Variants in TMPRSS13 observed in about 807,000 individuals in gnomAD.
TMPRSS13 encodes the protein transmembrane protease serine 13.
In TMPRSS13, 50 loss-of-function variants were observed where a neutral mutation model predicts 68.4. The observed-to-expected ratio is 0.73, with a 90% CI of 0.58 to 0.93. The LOEUF is 0.93. Ranked by LOEUF, TMPRSS13 falls within the 40% of genes least tolerant of loss-of-function variation. TMPRSS13 has a pLI of 0.00. For missense variants in TMPRSS13, 615 were observed against 729.2 expected, an observed-to-expected ratio of 0.84 and a Z score of 1.80; for synonymous variants, 267 against 285.8, an observed-to-expected ratio of 0.93 and a Z score of 0.66.
intron 7 of TMPRSS13, among the ~76,000 whole-genome samples, 195 bp from the exon 8 acceptor site, chr11:117,910,163 G>A (rs1292784431): frequency 2.6e-5 from 4 of 152,180 alleles, no homozygotes; most frequent in Non-Finnish European, 5.9e-5. Context: ...TGAGAGCAGA[G>A]CCACCACATG....
In TMPRSS13 at chr11:117,914,661, A is replaced by T. The variant is rs1301501474; in HGVS notation, c.557-147T>A. 13 of 1,432,178 alleles carry T rather than the reference A, an allele frequency of 9.1e-6. No homozygotes were observed. In the Admixed American group the frequency reaches 1.3e-4, roughly 14 times the overall value. 88.7% of individuals were successfully genotyped at this position (1,432,178 alleles called of 1,614,324 possible). A position where few individuals can be genotyped will look rare whatever the true frequency, so the allele number is the denominator to read the frequency against. On this transcript the variant is annotated intron_variant, in intron 3 of 12. Transcript: ENST00000524993. The surrounding 1 kb of genome is among the most constrained non-coding windows in gnomAD (Gnocchi z 4.2). Reference sequence around the variant, plus strand: ...CTCATCCCCCATCTGTATGGAGAGAAAGGCTGCTCAGGAATGCTCCAGAAT... The same window carrying T: ...CTCATCCCCCATCTGTATGGAGAGATAGGCTGCTCAGGAATGCTCCAGAAT...
In TMPRSS13 at chr11:117,918,622, AT is replaced by A. The variant is rs2057605803; in HGVS notation, c.237del (p.Ser80LeufsTer33). 1 of 1,572,432 alleles carries A rather than the reference AT, an allele frequency of 6.4e-7. No individual in the cohort carries two copies. The highest frequency in any genetic ancestry group is 1.4e-5 in the African/African-American group (1 of 73,012). The stretch of plus-strand genomic sequence containing the variant: ...CGGGCTGGAGATGCCTGGGCTGGAG[AT>A]GCCTGGGCTGGAGATGCCCGGCCTG... Reference protein sequence around the residue: ...ASPGRASPAQASPAQASPARA... With the variant: ...ASPGRASPAQXSPAQASPARA... On this transcript the variant is annotated frameshift_variant, in exon 2 of 13. Transcript: ENST00000524993. LOFTEE classifies it high-confidence loss of function.
At chr11:117,924,308 G>T (rs1034210703) in intron 1 of TMPRSS13, among the ~76,000 whole-genome samples, 1 of 152,042 alleles carries the variant, frequency 6.6e-6, no homozygotes, top group Non-Finnish European at 1.5e-5. Context: ...GCCAATTCTA[G>T]AACCATGATC....
At chr11:117,904,861 TTATATATA>T (rs58001868) in intron 10 of TMPRSS13, among the ~76,000 whole-genome samples, 1,074 of 100,554 alleles carry the variant, frequency 0.011, 18 homozygotes, top group Non-Finnish European at 0.018. Context: ...CTAGATAAGA[TTATATATA>T]TATATATATA....
At chr11:117,923,531 C>A (rs1369873155) in intron 1 of TMPRSS13, among the ~76,000 whole-genome samples, 1 of 152,124 alleles carries the variant, frequency 6.6e-6, no homozygotes, top group Non-Finnish European at 1.5e-5. Flanking sequence ...AGTTCTTCAG[C>A]CATAAGCAGC....
intron 6 of TMPRSS13, among the ~76,000 whole-genome samples, chr11:117,911,232 G>C (rs1290029192): frequency 6.6e-6 from 1 of 152,140 alleles, no homozygotes; most frequent in Non-Finnish European, 1.5e-5. Flanking sequence ...GGCAAACAAT[G>C]CTAGCTGGCA....
At chr11:117,929,200 G>A (rs1356030734) in intron 1 of TMPRSS13, 87 bp downstream of exon 1, 20 of 1,159,008 alleles carry the variant, frequency 1.7e-5, no homozygotes, top group Non-Finnish European at 2.0e-5. Flanking sequence ...CTGAAACACA[G>A]AGGTAGCTGT....
chr11:117,903,979 C>A lies in TMPRSS13; in HGVS notation c.1504G>T (p.Gly502Trp), dbSNP rs770541831. Residue 502 changes from glycine to tryptophan, a missense_variant, in exon 11 of 13, where the codon GGG (glycine) becomes TGG (tryptophan). Transcript: ENST00000524993. Reference protein sequence around the residue: ...PRMMCAGDLRGGRDSCQGDSG... With the variant: ...PRMMCAGDLRWGRDSCQGDSG... ...CTCACCTGGCAGGAGTCTCTGCCCC[C>A]ACGAAGGTCCCCAGCACACATCATC... 2.5e-6 allele frequency: 4 copies of A among 1,612,524 alleles called. No homozygotes were observed. Among genetic ancestry groups the A allele is most frequent in the East Asian group, 4.5e-5 (2 of 44,798 alleles).
Position 117,908,658 on chromosome 11 carries a change from G to A in TMPRSS13, c.1236C>T (p.Asp412=), listed in dbSNP as rs1247151050. 1 of 1,583,672 alleles carries A rather than the reference G, an allele frequency of 6.3e-7. No homozygotes were observed. ...ACAGCCGCATGAGGGCGATGTCATA[G>A]TCGTCCTCCTCATCGGTGTAATTGC... The part of the protein sequence containing the change: ...INSNYTDEED[D]YDIALMRLSK... The change falls in exon 9 of 13, where the codon GAC becomes GAT. Residue 412 remains aspartate (D), a synonymous_variant. Coordinates refer to ENST00000524993, the MANE Select transcript of TMPRSS13 (RefSeq NM_001077263.3).
intron 6 of TMPRSS13, 30 bp from the exon 7 acceptor site, chr11:117,910,780 A>C (rs1207066987): frequency 1.3e-6 from 2 of 1,592,616 alleles, no homozygotes; most frequent in Non-Finnish European, 1.7e-6. Flanking sequence ...AAGTGGGAAA[A>C]GGGCACATTA....
chr11:117,910,686 C>T (rs752823659), intron 7 of TMPRSS13, 21 bp downstream of exon 7: 1 of 1,604,188 alleles, frequency 6.2e-7, no homozygotes, highest in Non-Finnish European at 8.5e-7. Flanking sequence ...TGGCCACAAT[C>T]CAAGAAGAAG....
Position 117,918,708 on chromosome 11 carries a change from G to A in TMPRSS13, c.152C>T (p.Pro51Leu), listed in dbSNP as rs199724994. The A allele has an allele frequency of 1.4e-3, 2,272 of 1,604,566 alleles. 12 individuals carry two copies. Among genetic ancestry groups the A allele is most frequent in the Middle Eastern group, 1.5e-3 (9 of 6,008 alleles). Residue 51 changes from proline to leucine, a missense_variant, in exon 2 of 13, where the codon CCG becomes CTG. Pro to Leu is a moderately conservative substitution (Grantham distance 98, BLOSUM62 -3). Transcript: ENST00000524993. ...TGCCTGGGCTGGAGATGCCCGGCCC[G>A]GAGGTGTCCCAGCTGGAGATGCCTG... ...PAQASPAGTP[P>L]GRASPAQASP...
At position 117,903,664 on chromosome 11, in the gene TMPRSS13, G is replaced by A. The variant is rs2057431865; in HGVS notation, c.1668C>T (p.Ser556=). The A allele has an allele frequency of 6.2e-7, 1 of 1,614,188 alleles. No homozygotes were observed. The highest frequency in any genetic ancestry group is 1.3e-5 in the African/African-American group (1 of 75,070). Residue 556 remains serine, a synonymous_variant, in exon 12 of 13, where the codon AGC becomes AGT. Coordinates refer to ENST00000524993, the MANE Select transcript of TMPRSS13 (RefSeq NM_001077263.3). The part of the protein sequence containing the change: ...KVTEVLPWIY[S]KMESEVRFRK... ...GCTGCAGGGATCTTACCTCCATCTTGCTGTAAATCCAGGGAAGAACTTCTG... is the reference window on the plus strand; with the variant it reads ...GCTGCAGGGATCTTACCTCCATCTTACTGTAAATCCAGGGAAGAACTTCTG...
At chr11:117,916,002 C>T (rs576631577) in intron 3 of TMPRSS13, among the ~76,000 whole-genome samples, 53 of 152,272 alleles carry the variant, frequency 3.5e-4, no homozygotes, top group Non-Finnish European at 5.1e-4. Context: ...CACAGCCTGT[C>T]GGTGGCAGAG....
At chr11:117,919,627 C>A (rs11216620) in intron 1 of TMPRSS13, among the ~76,000 whole-genome samples, 43 of 152,304 alleles carry the variant, frequency 2.8e-4, no homozygotes, top group African/African-American at 1.0e-3. Flanking sequence ...TCCCATAAGC[C>A]GGGACAATAA....
chr11:117,923,897 T>C, intron 1 of TMPRSS13, among the ~76,000 whole-genome samples: 1 of 146,576 alleles, frequency 6.8e-6, no homozygotes, highest in East Asian at 2.0e-4. Flanking sequence ...CAGGGAGCAG[T>C]AGCTGCTTCA....
At chr11:117,904,148 G>C in intron 10 of TMPRSS13, 47 bp from the exon 11 acceptor site, 3 of 1,597,132 alleles carry the variant, frequency 1.9e-6, no homozygotes, top group African/African-American at 1.3e-5. Context: ...AAGCCAGTGA[G>C]ATTCTAGATA....
At position 117,900,994 on chromosome 11, in the gene TMPRSS13, G is replaced by C. The variant is rs1293733037; in HGVS notation, c.*1245C>G. ...GCTTTTAGCTGGCGAGTCCAGGCAC[G>C]TTGATGATTTGCAGGAACAGGGCCA... On this transcript the variant is annotated 3_prime_UTR_variant, in exon 13 of 13. Transcript: ENST00000524993. The C allele has an allele frequency of 6.6e-6, 1 of 152,316 alleles. No homozygotes were observed. Among genetic ancestry groups the C allele is most frequent in the Non-Finnish European group, 1.5e-5 (1 of 68,076 alleles). The allele number at this position is 152,316 out of a possible 1,614,324, so 9.4% of individuals were successfully genotyped here.
chr11:117,912,301 G>C (rs540224586), intron 5 of TMPRSS13, among the ~76,000 whole-genome samples: 1 of 152,284 alleles, frequency 6.6e-6, no homozygotes, highest in South Asian at 2.1e-4. Context: ...CTGTGAATAA[G>C]CAGCAGCAGC....
Sources: gnomAD v4.1 joint callset for allele counts (sites outside exome capture counted in the v4.1 genomes callset) on GRCh38, gnomAD v4.1.1 for gene constraint, Gnocchi (gnomAD v3.1) non-coding constraint, MANE v1.5 for transcripts, NCBI Gene and HGNC (gene_info 2026-07-23, HGNC 2026-07-21) for gene names.